SYT1: variants seen among roughly 807,000 people sequenced by gnomAD.
SYT1 encodes synaptotagmin 1.
SYT1 carries 8 observed loss-of-function variants against 44.8 expected under a neutral mutation model. The observed-to-expected ratio is 0.18, with a 90% CI of 0.10 to 0.32. The LOEUF (loss-of-function observed/expected upper bound fraction) is 0.32, where lower values mean the gene tolerates loss of function less well. SYT1 is among the 10% of genes least tolerant of loss of function. The probability of loss-of-function intolerance (pLI) is 1.00; values close to 1 mark genes in which losing one functional copy is unlikely to be tolerated. For missense variants in SYT1, 286 were observed against 509.3 expected, an observed-to-expected ratio of 0.56 and a Z score of 4.22; for synonymous variants, 154 against 188.8, an observed-to-expected ratio of 0.82 and a Z score of 1.51.
At chr12:79,045,366 A>T (rs1873955024) in intron 2 of SYT1, among the ~76,000 whole-genome samples, 1 of 152,146 alleles carries the variant, frequency 6.6e-6, no homozygotes, top group African/African-American at 2.4e-5. Context: ...AGTATTCGGG[A>T]GGGAGTGACC....
In SYT1 at chr12:79,058,050, G is replaced by C. The variant is rs182079022; in HGVS notation, c.-18+10688G>C. ...TTGTATATTTATGGATATATCCATT[G>C]TTCCCATTTTAAGAAGTGAACAATT... On this transcript the variant is annotated intron_variant, in intron 3 of 10. Transcript: ENST00000261205. Among the ~76,000 whole-genome samples, 1,167 of 152,086 alleles carry C rather than the reference G, an allele frequency of 7.7e-3. 56 individuals are homozygous for C. The highest frequency in any genetic ancestry group is 0.07 in the Admixed American group (1,062 of 15,232).
chr12:78,877,050 A>T (rs1394718640), intron 1 of SYT1, among the ~76,000 whole-genome samples: 1 of 146,304 alleles, frequency 6.8e-6, no homozygotes, highest in Non-Finnish European at 1.5e-5. Context: ...TACCTGAAAG[A>T]TATTAAGGAG....
At chr12:79,263,084 T>C (rs1877921840) in intron 4 of SYT1, among the ~76,000 whole-genome samples, 2 of 152,286 alleles carry the variant, frequency 1.3e-5, no homozygotes, top group South Asian at 2.1e-4. Flanking sequence ...TAATTTTCAT[T>C]CCATTTGTCT....
intron 4 of SYT1, among the ~76,000 whole-genome samples, chr12:79,232,291 A>G (rs1818186985): frequency 6.6e-6 from 1 of 152,220 alleles, no homozygotes; most frequent in Non-Finnish European, 1.5e-5. Context: ...CCTCAACAGC[A>G]TTACAACTCA....
intron 6 of SYT1, 135 bp from the exon 7 acceptor site, chr12:79,295,934 C>A: frequency 1.9e-6 from 2 of 1,048,602 alleles, no homozygotes; most frequent in Non-Finnish European, 2.6e-6. Context: ...TGTTCAGATT[C>A]ATAAGAGAAT....
At chr12:79,333,196 G>A (rs1054181005) in intron 8 of SYT1, among the ~76,000 whole-genome samples, 2 of 152,098 alleles carry the variant, frequency 1.3e-5, no homozygotes, top group Non-Finnish European at 1.5e-5. Flanking sequence ...CACAGTTCTG[G>A]AAGCTGAGAA....
At chr12:79,373,471 T>C (rs1346048454) in intron 9 of SYT1, among the ~76,000 whole-genome samples, 1 of 152,168 alleles carries the variant, frequency 6.6e-6, no homozygotes, top group East Asian at 1.9e-4. Flanking sequence ...TAAAATATAA[T>C]TACTAATTTG....
chr12:79,424,827 G>A (rs867683070), intron 9 of SYT1, among the ~76,000 whole-genome samples: 1 of 150,672 alleles, frequency 6.6e-6, no homozygotes, highest in Non-Finnish European at 1.5e-5. Flanking sequence ...TGCAGACCTA[G>A]TGTTTTGTTT....
chr12:79,265,091 T>C (rs1057377577), intron 4 of SYT1, among the ~76,000 whole-genome samples: 6 of 152,320 alleles, frequency 3.9e-5, no homozygotes, highest in South Asian at 4.1e-4. Context: ...TTTTAAGTTA[T>C]GAAGTTTAAC....
At chr12:79,440,869 G>C (rs562589245) in intron 9 of SYT1, among the ~76,000 whole-genome samples, 2 of 152,286 alleles carry the variant, frequency 1.3e-5, no homozygotes, top group Admixed American at 1.3e-4. Context: ...GAGGATATAG[G>C]AGCAAGGTCT....
intron 3 of SYT1, among the ~76,000 whole-genome samples, chr12:79,058,093 A>G (rs1280952947): frequency 6.6e-6 from 1 of 152,034 alleles, no homozygotes; most frequent in Non-Finnish European, 1.5e-5. Context: ...TGTTTTTTTG[A>G]AAGGCAAAGC....
chr12:79,388,036 A>G (rs574984772), intron 9 of SYT1, among the ~76,000 whole-genome samples: 1 of 152,236 alleles, frequency 6.6e-6, no homozygotes, highest in Non-Finnish European at 1.5e-5. Flanking sequence ...ATTTAATCCC[A>G]AATCTTTGCT....
chr12:79,206,238 A>T (rs1313793507), intron 3 of SYT1, among the ~76,000 whole-genome samples: 3 of 152,148 alleles, frequency 2.0e-5, no homozygotes, highest in Admixed American at 2.0e-4. Context: ...TTTTTTTCAG[A>T]TACCATTTCT....
chr12:79,258,300 G>C (rs1284357528), intron 4 of SYT1, among the ~76,000 whole-genome samples: 1 of 152,144 alleles, frequency 6.6e-6, no homozygotes, highest in Non-Finnish European at 1.5e-5. Flanking sequence ...TTAACATCTT[G>C]TCTGACTTTC....
At chr12:79,149,012 TAA>T (rs1870097911) in intron 3 of SYT1, among the ~76,000 whole-genome samples, 1 of 152,144 alleles carries the variant, frequency 6.6e-6, no homozygotes, top group African/African-American at 2.4e-5. Flanking sequence ...ATCCTAAAGT[TAA>T]AAAGGAGAAT....
intron 3 of SYT1, among the ~76,000 whole-genome samples, chr12:79,136,410 A>G (rs1330702823): frequency 1.3e-5 from 2 of 152,224 alleles, no homozygotes; most frequent in African/African-American, 4.8e-5. Context: ...ACTGACCCCA[A>G]AGCCATCTTC....
intron 8 of SYT1, among the ~76,000 whole-genome samples, chr12:79,341,660 CTTTTTTTTTTTTTTTT>C (rs34759181): frequency 3.2e-5 from 2 of 63,042 alleles, no homozygotes; most frequent in Non-Finnish European, 5.5e-5. Flanking sequence ...TACATTCATT[CTTTTTTTTTTTTTTTT>C]TTTTTTTTTT....
chr12:79,374,898 T>A (rs1363096358), intron 9 of SYT1, among the ~76,000 whole-genome samples: 1 of 152,120 alleles, frequency 6.6e-6, no homozygotes, highest in African/African-American at 2.4e-5. Context: ...GTAAACAAAC[T>A]TTTTTTGTAA....
chr12:78,875,597 G>A (rs548457986), intron 1 of SYT1, among the ~76,000 whole-genome samples: 4 of 151,440 alleles, frequency 2.6e-5, no homozygotes, highest in Non-Finnish European at 4.4e-5. Context: ...TGTGTTTCCC[G>A]TGCCTTAATA....
Sources: gnomAD v4.1 joint callset for allele counts (sites outside exome capture counted in the v4.1 genomes callset) on GRCh38, gnomAD v4.1.1 for gene constraint, MANE v1.5 for transcripts, NCBI Gene and HGNC (gene_info 2026-07-23, HGNC 2026-07-21) for gene names.